ZMPSTE24: variants seen among roughly 807,000 people sequenced by gnomAD.
ZMPSTE24 encodes the protein zinc metallopeptidase STE24.
In ZMPSTE24, 48 loss-of-function variants were observed where a neutral mutation model predicts 56.7. The ratio of observed to expected loss-of-function variants is 0.85; its 90% CI spans 0.67 to 1.08. The LOEUF (loss-of-function observed/expected upper bound fraction) is 1.08, where lower values mean the gene tolerates loss of function less well. Ranked by LOEUF, ZMPSTE24 falls within the 50% of genes least tolerant of loss-of-function variation. The pLI is 0.00. For synonymous variants in ZMPSTE24, 172 were observed against 195.2 expected, an observed-to-expected ratio of 0.88 and a Z score of 0.99; for missense variants, 503 against 548.7, an observed-to-expected ratio of 0.92 and a Z score of 0.83.
chr1:40,284,487 C>A (rs1643765312), intron 7 of ZMPSTE24, among the ~76,000 whole-genome samples: 1 of 152,016 alleles, frequency 6.6e-6, no homozygotes, highest in African/African-American at 2.4e-5. Context: ...CACAGCGGCT[C>A]ATGCCTGTAA....
chr1:40,281,715 G>A (rs1050892135), intron 7 of ZMPSTE24, among the ~76,000 whole-genome samples, 188 bp downstream of exon 7: 1 of 151,978 alleles, frequency 6.6e-6, no homozygotes, highest in East Asian at 1.9e-4. Flanking sequence ...TAACTACCTT[G>A]CAAGCTTTTA....
At chr1:40,273,334 A>G (rs1243115625) in intron 6 of ZMPSTE24, among the ~76,000 whole-genome samples, 2 of 151,744 alleles carry the variant, frequency 1.3e-5, no homozygotes, top group African/African-American at 4.8e-5. Flanking sequence ...CCTGGCCAAC[A>G]TGGTGAAACC....
At chr1:40,278,327 A>C (rs1036246821) in intron 6 of ZMPSTE24, among the ~76,000 whole-genome samples, 2 of 152,068 alleles carry the variant, frequency 1.3e-5, no homozygotes, top group Non-Finnish European at 1.5e-5. Context: ...TTCACTTAGA[A>C]TATCTCGTGT....
intron 9 of ZMPSTE24, 141 bp downstream of exon 9, chr1:40,291,138 T>C (rs1406248422): frequency 1.8e-6 from 2 of 1,128,900 alleles, no homozygotes; most frequent in African/African-American, 1.6e-5. Context: ...CCTGATTCAC[T>C]GGTCAGTATG....
intron 6 of ZMPSTE24, among the ~76,000 whole-genome samples, chr1:40,274,359 G>A (rs1433276683): frequency 6.6e-6 from 1 of 152,218 alleles, no homozygotes; most frequent in Non-Finnish European, 1.5e-5. Flanking sequence ...AAATTGGTAG[G>A]GAGATTGTAG....
At chr1:40,284,102 ATTT>A (rs10600489) in intron 7 of ZMPSTE24, among the ~76,000 whole-genome samples, 50,135 of 116,336 alleles carry the variant, frequency 0.43, 10,359 homozygotes, top group East Asian at 0.59. Context: ...TGCCCAGCTA[ATTT>A]TTTTTTTTTT....
chr1:40,270,182 T>C (rs868128479), intron 5 of ZMPSTE24, 55 bp downstream of exon 5: 4 of 1,576,726 alleles, frequency 2.5e-6, no homozygotes, highest in Middle Eastern at 1.7e-4. Context: ...GTGAGATTAC[T>C]GTAATCTTCA....
intron 1 of ZMPSTE24, among the ~76,000 whole-genome samples, chr1:40,258,655 C>G (rs1218517738): frequency 6.6e-6 from 1 of 152,160 alleles, no homozygotes; most frequent in South Asian, 2.1e-4. Context: ...TGTGCCCTCC[C>G]TGCAGCTTCC....
intron 2 of ZMPSTE24, 70 bp from the exon 3 acceptor site, chr1:40,267,716 A>T (rs1046228884): frequency 1.4e-5 from 17 of 1,216,214 alleles, no homozygotes; most frequent in African/African-American, 4.5e-5. Context: ...TTCTTTCTTT[A>T]TACCATGCTT....
chr1:40,279,018 G>C (rs181246260), intron 6 of ZMPSTE24, among the ~76,000 whole-genome samples: 95 of 152,282 alleles, frequency 6.2e-4, no homozygotes, highest in Non-Finnish European at 1.2e-3. Flanking sequence ...GTATGTGTCT[G>C]TAGTCCTAGC....
intron 6 of ZMPSTE24, among the ~76,000 whole-genome samples, chr1:40,278,017 G>A (rs1451150161): frequency 6.8e-5 from 10 of 146,246 alleles, no homozygotes; most frequent in African/African-American, 2.5e-4. Context: ...AGAGATAGAA[G>A]GATACCCTGT....
At chr1:40,281,677 A>G (rs894267441) in intron 7 of ZMPSTE24, 150 bp downstream of exon 7, 12 of 802,622 alleles carry the variant, frequency 1.5e-5, no homozygotes, top group Non-Finnish European at 2.4e-5. Context: ...TCTGGTATTT[A>G]GGAGAGATCA....
intron 6 of ZMPSTE24, among the ~76,000 whole-genome samples, chr1:40,275,218 G>C (rs141940906): frequency 4.7e-4 from 66 of 139,180 alleles, no homozygotes; most frequent in African/African-American, 1.7e-3. Flanking sequence ...TCAGAAATTC[G>C]AGACAAGCCT....
intron 1 of ZMPSTE24, among the ~76,000 whole-genome samples, chr1:40,260,161 A>G (rs1643481633): frequency 6.7e-6 from 1 of 149,380 alleles, no homozygotes; most frequent in Admixed American, 6.7e-5. Context: ...CCCAGGCTCA[A>G]GTGATCCTCC....
intron 7 of ZMPSTE24, 106 bp downstream of exon 7, chr1:40,281,633 G>T: frequency 1.7e-6 from 2 of 1,207,300 alleles, no homozygotes. Flanking sequence ...AATTCAGGGA[G>T]ACTATCAGAT....
At chr1:40,276,282 C>A (rs1003054283) in intron 6 of ZMPSTE24, among the ~76,000 whole-genome samples, 1 of 152,144 alleles carries the variant, frequency 6.6e-6, no homozygotes, top group Non-Finnish European at 1.5e-5. Context: ...GCTAAAAATA[C>A]AGATTTGGAA....
At chr1:40,268,619 A>G (rs1280462951) in intron 4 of ZMPSTE24, 84 bp downstream of exon 4, 1 of 906,448 alleles carries the variant, frequency 1.1e-6, no homozygotes, top group East Asian at 2.5e-5. Flanking sequence ...TTTAAACATA[A>G]TTTACTATTT....
At chr1:40,276,609 G>A (rs1643673589) in intron 6 of ZMPSTE24, among the ~76,000 whole-genome samples, 1 of 152,200 alleles carries the variant, frequency 6.6e-6, no homozygotes, top group Non-Finnish European at 1.5e-5. Context: ...TACCTCAAGC[G>A]ATATCATTAA....
intron 2 of ZMPSTE24, 50 bp downstream of exon 2, chr1:40,261,035 T>C: frequency 6.2e-7 from 1 of 1,610,124 alleles, no homozygotes; most frequent in Non-Finnish European, 8.5e-7. Context: ...GTTTTCATTT[T>C]CATATTTTTG....
Sources: gnomAD v4.1 joint callset for allele counts (sites outside exome capture counted in the v4.1 genomes callset) on GRCh38, gnomAD v4.1.1 for gene constraint, MANE v1.5 for transcripts, NCBI Gene and HGNC (gene_info 2026-07-23, HGNC 2026-07-21) for gene names.